RAB2A: variants seen among roughly 807,000 people sequenced by gnomAD.
RAB2A encodes the protein ras-related protein Rab-2A.
Under a neutral mutation model 32.5 loss-of-function variants are expected in RAB2A, and 7 were observed. The ratio of observed to expected loss-of-function variants is 0.22; its 90% CI spans 0.12 to 0.40. The LOEUF is 0.40. RAB2A is among the 10% of genes least tolerant of loss of function. RAB2A has a pLI of 1.00. For synonymous variants in RAB2A, 79 were observed against 85.2 expected (o/e 0.93, Z 0.40); for missense variants, 108 against 260.7 (o/e 0.41, Z 4.03).
Position 60,545,362 on chromosome 8 carries a change from T to C in RAB2A, c.47-13490T>C, listed in dbSNP as rs149329209. Among the ~76,000 whole-genome samples, 34 of 152,254 alleles carry C rather than the reference T, an allele frequency of 2.2e-4. 1 individual carries two copies. The Middle Eastern group carries it at 0.01, about 46-fold the overall frequency. On this transcript the variant is annotated intron_variant, in intron 1 of 7. Transcript: ENST00000262646. ...CACTGTCACCCAGGCTGTAGTGCAG[T>C]GGGACGATAACATCTCAGCCTCCTG... is the stretch of plus-strand genomic sequence containing the variant.
intron 5 of RAB2A, among the ~76,000 whole-genome samples, 153 bp downstream of exon 5, chr8:60,584,968 AATG>A (rs1294624136): frequency 6.6e-6 from 1 of 152,212 alleles, no homozygotes; most frequent in African/African-American, 2.4e-5. Context: ...TGATTTTTAA[AATG>A]ATGTTAATAA....
intron 1 of RAB2A, among the ~76,000 whole-genome samples, chr8:60,521,031 G>A (rs563461246): frequency 5.3e-5 from 8 of 152,260 alleles, no homozygotes; most frequent in Non-Finnish European, 1.2e-4. Context: ...GCTCAGGCTG[G>A]TCTCAAACTC....
In RAB2A at chr8:60,591,917, A is replaced by T; in HGVS notation, c.422A>T (p.His141Leu). ...GAAGGTGAAGCTTTTGCACGAGAACATGGACTCATCTTCATGGAAACGTCT... is the reference window on the plus strand; with the variant it reads ...GAAGGTGAAGCTTTTGCACGAGAACTTGGACTCATCTTCATGGAAACGTCT... ...KEEGEAFARE[H>L]GLIFMETSAK... The change falls in exon 6 of 8, where the codon CAT (histidine) becomes CTT (leucine). Residue 141 changes from histidine (H) to leucine (L), a missense_variant. By Grantham distance (99) the His-to-Leu change is moderately conservative. Transcript: ENST00000262646. 6.2e-7 allele frequency: 1 copy of T among 1,613,088 alleles called. No homozygotes were observed. Among genetic ancestry groups the T allele is most frequent in the Non-Finnish European group, 8.5e-7 (1 of 1,179,274 alleles).
chr8:60,573,857 G>T (rs571709909), intron 3 of RAB2A, among the ~76,000 whole-genome samples: 3 of 152,148 alleles, frequency 2.0e-5, no homozygotes, highest in East Asian at 1.9e-4. Flanking sequence ...ATCATAGCTC[G>T]CTGCAGCCTC....
At chr8:60,597,770 A>G (rs1804054664) in intron 6 of RAB2A, among the ~76,000 whole-genome samples, 1 of 152,202 alleles carries the variant, frequency 6.6e-6, no homozygotes, top group African/African-American at 2.4e-5. Flanking sequence ...TTTTTTAAAA[A>G]CTTCAGTAAA....
Position 60,584,310 on chromosome 8 carries a change from G to T in RAB2A, c.269+20G>T. The T allele has an allele frequency of 1.9e-6, 3 of 1,548,588 alleles. No homozygotes were observed. The highest frequency in any genetic ancestry group is 2.7e-6 in the Non-Finnish European group (3 of 1,120,696). ...TACACGGTGAGAACTTGAAAACTTTGCAATTCAGTAGTTGATACAGAGAAT... is the reference window on the plus strand; with the variant it reads ...TACACGGTGAGAACTTGAAAACTTTTCAATTCAGTAGTTGATACAGAGAAT... On this transcript the variant is annotated intron_variant, in intron 4 of 7. Transcript: ENST00000262646.
At chr8:60,576,112 G>C in intron 3 of RAB2A, 1 of 411,238 alleles carries the variant, frequency 2.4e-6, no homozygotes, top group Non-Finnish European at 4.9e-6. Flanking sequence ...TTCACAGCTG[G>C]AAACAGTGAT....
intron 1 of RAB2A, among the ~76,000 whole-genome samples, chr8:60,548,897 G>A (rs1807795256): frequency 6.7e-6 from 1 of 149,900 alleles, no homozygotes; most frequent in South Asian, 2.2e-4. Context: ...GTGGCTGCCG[G>A]GCAGAGGGGC....
chr8:60,582,359 A>G (rs1803775239), intron 3 of RAB2A, among the ~76,000 whole-genome samples: 1 of 152,168 alleles, frequency 6.6e-6, no homozygotes, highest in Non-Finnish European at 1.5e-5. Context: ...TGCCTACCCA[A>G]GAGAGGGTCT....
intron 1 of RAB2A, among the ~76,000 whole-genome samples, chr8:60,526,900 G>T (rs1011678251): frequency 6.6e-6 from 1 of 151,178 alleles, no homozygotes; most frequent in Non-Finnish European, 1.5e-5. Context: ...ACCCGGGAGG[G>T]AGAGGTTGCA....
chr8:60,524,005 TTCTG>T (rs1489410241), intron 1 of RAB2A, among the ~76,000 whole-genome samples: 2 of 152,220 alleles, frequency 1.3e-5, no homozygotes, highest in African/African-American at 4.8e-5. Flanking sequence ...ACTAGCTCTT[TTCTG>T]TCTGTTTTCT....
At chr8:60,536,563 A>G (rs1314116667) in intron 1 of RAB2A, among the ~76,000 whole-genome samples, 7 of 152,220 alleles carry the variant, frequency 4.6e-5, no homozygotes, top group African/African-American at 1.7e-4. Flanking sequence ...TGGTCAGATT[A>G]AAGTGTGTTA....
chr8:60,613,132 A>T (rs529428345), intron 6 of RAB2A, among the ~76,000 whole-genome samples: 11 of 152,174 alleles, frequency 7.2e-5, no homozygotes, highest in Non-Finnish European at 1.2e-4. Context: ...TGCACATTAT[A>T]TGTTGCCAAT....
In RAB2A at chr8:60,605,852, T is replaced by TATATATATATATATATAA. The variant is rs777621349; in HGVS notation, c.475-12727_475-12726insTATATATATATATATAAA. On this transcript the variant is annotated intron_variant, in intron 6 of 7. Coordinates refer to ENST00000262646, the MANE Select transcript of RAB2A (RefSeq NM_002865.3). ...TAATACATATATACATATATATATA[T>TATATATATATATATATAA]AATGCTTCATTTCAAGCTGGGGGTG... Among the ~76,000 whole-genome samples the TATATATATATATATATAA allele has an allele frequency of 4.3e-3, 621 of 144,670 alleles. 9 individuals carry two copies. The highest frequency in any genetic ancestry group is 5.9e-3 in the East Asian group (29 of 4,910). 94.9% of individuals were successfully genotyped at this position (144,670 alleles called of 152,430 possible). A position where few individuals can be genotyped will look rare whatever the true frequency, so the allele number is the denominator to read the frequency against.
intron 5 of RAB2A, among the ~76,000 whole-genome samples, chr8:60,588,118 G>T (rs1803878761): frequency 6.6e-6 from 1 of 152,016 alleles, no homozygotes. Flanking sequence ...ACAAAAATAA[G>T]AAATTTTTTA....
At chr8:60,540,800 G>A (rs762500223) in intron 1 of RAB2A, among the ~76,000 whole-genome samples, 3 of 152,126 alleles carry the variant, frequency 2.0e-5, no homozygotes, top group Non-Finnish European at 4.4e-5. Context: ...TTATATAAGA[G>A]TAATGCCTAC....
At chr8:60,607,036 G>A (rs1305521322) in intron 6 of RAB2A, among the ~76,000 whole-genome samples, 1 of 151,706 alleles carries the variant, frequency 6.6e-6, no homozygotes, top group Non-Finnish European at 1.5e-5. Context: ...ATGTTGTGGT[G>A]GGTGCATGGA....
intron 2 of RAB2A, among the ~76,000 whole-genome samples, chr8:60,566,545 A>T (rs1276816133): frequency 6.6e-6 from 1 of 151,996 alleles, no homozygotes; most frequent in Non-Finnish European, 1.5e-5. Flanking sequence ...AATGTCCTAA[A>T]TATTCTTCTG....
intron 6 of RAB2A, among the ~76,000 whole-genome samples, chr8:60,593,218 G>A (rs746027541): frequency 6.6e-6 from 1 of 152,146 alleles, no homozygotes; most frequent in East Asian, 1.9e-4. Flanking sequence ...TCATCGTCAC[G>A]TGACCATCAT....
Sources: allele counts gnomAD v4.1 joint callset (sites outside exome capture counted in the v4.1 genomes callset), GRCh38; gene constraint gnomAD v4.1.1; transcripts MANE v1.5; gene names NCBI Gene and HGNC (gene_info 2026-07-23, HGNC 2026-07-21).